Variants in CCDC171 observed in about 807,000 individuals in gnomAD.
CCDC171 encodes the protein coiled-coil domain containing 171, also known as coiled-coil domain-containing protein 171.
Under a neutral mutation model 168.2 loss-of-function variants are expected in CCDC171, and 177 were observed. The ratio of observed to expected loss-of-function variants is 1.05; its 90% CI spans 0.93 to 1.19. The LOEUF (loss-of-function observed/expected upper bound fraction) is 1.19, where lower values mean the gene tolerates loss of function less well. Among genes scored for constraint, CCDC171 ranks in the 50% most tolerant of loss-of-function variants. The pLI is 0.00. For missense variants in CCDC171, 1,991 were observed against 1,539.0 expected, an observed-to-expected ratio of 1.29 and a Z score of -4.91; for synonymous variants, 687 against 540.8, an observed-to-expected ratio of 1.27 and a Z score of -3.75.
intron 3 of CCDC171, among the ~76,000 whole-genome samples, chr9:15,574,211 C>T (rs1373425879): frequency 1.3e-5 from 2 of 151,626 alleles, no homozygotes; most frequent in Non-Finnish European, 2.9e-5. Context: ...GTGGTGCTAT[C>T]TTGGCTCACT....
chr9:15,694,995 A>G (rs985918874), intron 10 of CCDC171, among the ~76,000 whole-genome samples: 4 of 152,220 alleles, frequency 2.6e-5, no homozygotes, highest in African/African-American at 7.2e-5. Context: ...ATGAATTACT[A>G]TATATAAAAC....
chr9:16,048,893 A>G (rs529883799), intron 1 of CCDC171, among the ~76,000 whole-genome samples: 1 of 151,902 alleles, frequency 6.6e-6, no homozygotes, highest in African/African-American at 2.4e-5. Flanking sequence ...TTTAGACCAC[A>G]CAATAGGCTG....
At chr9:16,020,417 T>G (rs1334952418) in intron 3 of CCDC171, among the ~76,000 whole-genome samples, 3 of 152,240 alleles carry the variant, frequency 2.0e-5, no homozygotes, top group Non-Finnish European at 1.5e-5. Context: ...TGCATGAATT[T>G]CTTTTTCCTT....
At chr9:15,727,572 C>T (rs550235539) in intron 14 of CCDC171, among the ~76,000 whole-genome samples, 3 of 152,246 alleles carry the variant, frequency 2.0e-5, no homozygotes, top group South Asian at 4.1e-4. Flanking sequence ...AAACTTAAGC[C>T]TGAGCAGGTG....
At chr9:15,882,641 C>G (rs1004189167) in intron 24 of CCDC171, among the ~76,000 whole-genome samples, 7 of 152,030 alleles carry the variant, frequency 4.6e-5, no homozygotes, top group Non-Finnish European at 1.0e-4. Flanking sequence ...ATTTAAACGT[C>G]GGTTATAGTC....
In CCDC171 at chr9:15,744,680, A is replaced by G. The variant is rs764897694; in HGVS notation, c.2457A>G (p.Gln819=). The part of the protein sequence containing the change: ...LAANRLKILG[Q]SCASLFTWME... The stretch of plus-strand genomic sequence containing the variant: ...CAAACAGACTCAAGATTTTGGGCCA[A>G]TCATGTGCCTCTCTTTTTACCTGGA... Residue 819 remains glutamine, a synonymous_variant, in exon 17 of 26, where the codon CAA becomes CAG. Coordinates refer to ENST00000380701, the MANE Select transcript of CCDC171 (RefSeq NM_173550.4). 5 of 1,614,040 alleles carry G rather than the reference A, an allele frequency of 3.1e-6. No individual in the cohort carries two copies. The highest frequency in any genetic ancestry group is 1.7e-5 in the Admixed American group (1 of 59,980).
chr9:15,809,132 A>T (rs528827779), intron 21 of CCDC171, among the ~76,000 whole-genome samples: 11 of 152,276 alleles, frequency 7.2e-5, no homozygotes, highest in Admixed American at 2.0e-4. Flanking sequence ...CAACATAAAA[A>T]TTTTTTGGGA....
intron 1 of CCDC171, among the ~76,000 whole-genome samples, chr9:15,562,419 A>C (rs1429669411): frequency 6.6e-6 from 1 of 152,170 alleles, no homozygotes; most frequent in Non-Finnish European, 1.5e-5. Flanking sequence ...GTTATATATC[A>C]GTGAGCTAGA....
intron 21 of CCDC171, among the ~76,000 whole-genome samples, chr9:15,846,213 G>A (rs900237498): frequency 1.3e-5 from 2 of 152,008 alleles, no homozygotes; most frequent in African/African-American, 4.8e-5. Context: ...TATTTATAAA[G>A]ACAGTAGTGG....
At chr9:16,040,911 G>A (rs1833561529), upstream of CCDC171, among the ~76,000 whole-genome samples, 1 of 151,948 alleles carries the variant, frequency 6.6e-6, no homozygotes, top group South Asian at 2.1e-4. Context: ...TATTTGATGG[G>A]GTGAATTTCT....
upstream of CCDC171, among the ~76,000 whole-genome samples, chr9:16,040,877 C>G (rs998051530): frequency 2.0e-5 from 3 of 151,678 alleles, no homozygotes; most frequent in Admixed American, 6.6e-5. Flanking sequence ...CAAAGATACT[C>G]TCTCTTTTTT....
chr9:15,562,131 A>C (rs1335850393), intron 1 of CCDC171, among the ~76,000 whole-genome samples: 1 of 151,778 alleles, frequency 6.6e-6, no homozygotes, highest in Admixed American at 6.6e-5. Flanking sequence ...AGTAGCTGGG[A>C]TTATAGGCGC....
At position 15,559,126 on chromosome 9, in the gene CCDC171, A is replaced by G. The variant is rs965039967; in HGVS notation, c.-111-4852A>G. 6.6e-5 allele frequency among the ~76,000 whole-genome samples: 10 copies of G among 152,070 alleles called. 1 individual carries two copies. The highest frequency in any genetic ancestry group is 5.9e-4 in the Admixed American group (9 of 15,248). ...TTTGTTATAATTTCTGTTCTTTTAC[A>G]TTTGCTGAGGAGTGCTTTACTTCCA... On this transcript the variant is annotated intron_variant, in intron 1 of 25. Coordinates refer to ENST00000380701, the MANE Select transcript of CCDC171 (RefSeq NM_173550.4).
chr9:16,066,157 A>C (rs913257325), downstream of CCDC171, among the ~76,000 whole-genome samples: 1 of 152,126 alleles, frequency 6.6e-6, no homozygotes, highest in African/African-American at 2.4e-5. Flanking sequence ...TCTTCACTGC[A>C]GACTAACCTC....
chr9:15,802,745 C>T (rs1410999706), intron 21 of CCDC171, among the ~76,000 whole-genome samples: 2 of 151,938 alleles, frequency 1.3e-5, no homozygotes, highest in African/African-American at 4.8e-5. Context: ...TATAATAGAA[C>T]AATTTATATT....
chr9:15,718,945 C>G (rs563894868), intron 11 of CCDC171, among the ~76,000 whole-genome samples: 22 of 152,290 alleles, frequency 1.4e-4, no homozygotes, highest in Admixed American at 5.2e-4. Context: ...CCGCAAGCAT[C>G]AAAACCATCC....
At chr9:15,914,807 G>C (rs1824262985) in intron 24 of CCDC171, among the ~76,000 whole-genome samples, 1 of 152,298 alleles carries the variant, frequency 6.6e-6, no homozygotes, top group African/African-American at 2.4e-5. Context: ...CCTGGTCTGG[G>C]TTGTGAAGAC....
intron 22 of CCDC171, 87 bp downstream of exon 22, chr9:15,846,934 T>C: frequency 8.2e-7 from 1 of 1,215,402 alleles, no homozygotes; most frequent in Non-Finnish European, 1.1e-6. Flanking sequence ...CCCTGGATAA[T>C]ACAGTGTTAG....
chr9:15,635,220 TC>T (rs1564103120), intron 7 of CCDC171, among the ~76,000 whole-genome samples: 1 of 152,170 alleles, frequency 6.6e-6, no homozygotes, highest in Non-Finnish European at 1.5e-5. Context: ...TCTCAAAATC[TC>T]AAAAGTAGAT....
Sources: gnomAD v4.1 joint callset for allele counts (sites outside exome capture counted in the v4.1 genomes callset) on GRCh38, gnomAD v4.1.1 for gene constraint, MANE v1.5 for transcripts, NCBI Gene and HGNC (gene_info 2026-07-23, HGNC 2026-07-21) for gene names.